Variants in TAFA5 observed in about 807,000 individuals in gnomAD.
TAFA5 encodes chemokine-like protein TAFA-5.
TAFA5 carries 6 observed loss-of-function variants against 15.3 expected under a neutral mutation model. That is an observed-to-expected ratio of 0.39 (90% CI 0.21 to 0.77). TAFA5 has a LOEUF of 0.77. Among genes scored for constraint, TAFA5 ranks in the 30% least tolerant of loss-of-function variants. The pLI, the probability that TAFA5 is intolerant of heterozygous loss-of-function variation, is 0.41. For synonymous variants in TAFA5, 103 were observed against 80.7 expected (o/e 1.28, Z -1.48); for missense variants, 161 against 193.1 (o/e 0.83, Z 0.98).
intron 1 of TAFA5, among the ~76,000 whole-genome samples, chr22:48,516,244 G>T (rs1373278529): frequency 1.3e-5 from 2 of 152,172 alleles, no homozygotes; most frequent in African/African-American, 4.8e-5. Flanking sequence ...GAATTAGGTG[G>T]AACGGCATAT....
At chr22:48,604,082 G>T (rs985053471) in intron 1 of TAFA5, among the ~76,000 whole-genome samples, 1 of 152,212 alleles carries the variant, frequency 6.6e-6, no homozygotes, top group African/African-American at 2.4e-5. Context: ...CAAGCGACAG[G>T]CGCGCAAGCT....
Position 48,542,638 on chromosome 22 carries a change from A to G in TAFA5, c.112+52934A>G, listed in dbSNP as rs62650010. Among the ~76,000 whole-genome samples the G allele has an allele frequency of 5.6e-3, 479 of 84,846 alleles. 1 individual carries two copies. Among genetic ancestry groups the G allele is most frequent in the Middle Eastern group, 0.017 (1 of 60 alleles). 55.7% of individuals were successfully genotyped at this position (84,846 alleles called of 152,430 possible). On this transcript the variant is annotated intron_variant, in intron 1 of 3. Transcript: ENST00000402357. Reference sequence around the variant, plus strand: ...TGTGTGTGGTGTGTGTGGGTGTGTGATGTGTGTGTGTGGTGTGTGTGTGGT... The same window carrying G: ...TGTGTGTGGTGTGTGTGGGTGTGTGGTGTGTGTGTGTGGTGTGTGTGTGGT...
chr22:48,676,150 G>T (rs1283367928), intron 2 of TAFA5, among the ~76,000 whole-genome samples: 1 of 152,256 alleles, frequency 6.6e-6, no homozygotes, highest in East Asian at 1.9e-4. Flanking sequence ...CAAAGATCCA[G>T]CCGTGTCCCC....
chr22:48,690,778 A>G (rs1305767031), intron 2 of TAFA5, among the ~76,000 whole-genome samples: 1 of 152,158 alleles, frequency 6.6e-6, no homozygotes, highest in Non-Finnish European at 1.5e-5. Context: ...AGCCCCAATG[A>G]GTGGCCTTGG....
chr22:48,505,217 C>T (rs576861219), intron 1 of TAFA5, among the ~76,000 whole-genome samples: 11 of 152,338 alleles, frequency 7.2e-5, no homozygotes, highest in South Asian at 4.1e-4. Flanking sequence ...ACTCCATCTC[C>T]GTGACAAGTC....
At chr22:48,507,303 AGGAGTGGC>A (rs1921033825) in intron 1 of TAFA5, among the ~76,000 whole-genome samples, 1 of 151,514 alleles carries the variant, frequency 6.6e-6, no homozygotes, top group Non-Finnish European at 1.5e-5. Flanking sequence ...GTGCAGTTGG[AGGAGTGGC>A]CGGCCGGTCA....
chr22:48,542,202 G>A (rs1341538459), intron 1 of TAFA5, among the ~76,000 whole-genome samples: 2 of 146,868 alleles, frequency 1.4e-5, no homozygotes, highest in African/African-American at 5.1e-5. Context: ...GTATGTGTGT[G>A]TGATGTACAT....
chr22:48,565,167 C>T (rs1923368965), intron 1 of TAFA5, among the ~76,000 whole-genome samples: 1 of 152,224 alleles, frequency 6.6e-6, no homozygotes, highest in Admixed American at 6.5e-5. Flanking sequence ...GGCATGTGGG[C>T]TCCGGCTTGA....
intron 1 of TAFA5, among the ~76,000 whole-genome samples, chr22:48,616,114 G>A (rs1925594975): frequency 6.6e-6 from 1 of 152,018 alleles, no homozygotes; most frequent in Non-Finnish European, 1.5e-5. Context: ...CTGGGCCTGG[G>A]GCTGGGGATC....
intron 1 of TAFA5, among the ~76,000 whole-genome samples, chr22:48,618,395 G>T (rs529855183): frequency 6.6e-6 from 1 of 152,370 alleles, no homozygotes; most frequent in African/African-American, 2.4e-5. Flanking sequence ...AAAAGGCCAT[G>T]CGTGCAGTTT....
intron 3 of TAFA5, among the ~76,000 whole-genome samples, chr22:48,744,833 C>T (rs1930281089): frequency 6.6e-6 from 1 of 152,152 alleles, no homozygotes; most frequent in Admixed American, 6.5e-5. Flanking sequence ...GATCTCGGCT[C>T]ACTGCAACCT....
chr22:48,561,631 G>A (rs1174735172), intron 1 of TAFA5, among the ~76,000 whole-genome samples: 1 of 152,172 alleles, frequency 6.6e-6, no homozygotes, highest in Non-Finnish European at 1.5e-5. Flanking sequence ...GATGACGGTG[G>A]CCACGGCAAC....
At chr22:48,696,402 T>TTCCCTCCTTTCCTCCC (rs1928713930) in intron 2 of TAFA5, among the ~76,000 whole-genome samples, 8 of 152,154 alleles carry the variant, frequency 5.3e-5, no homozygotes, top group Non-Finnish European at 4.4e-5. Context: ...CCCTCCATCC[T>TTCCCTCCTTTCCTCCC]TCCCTCCTTT....
chr22:48,674,062 G>A (rs549106140), intron 2 of TAFA5, among the ~76,000 whole-genome samples: 7 of 150,622 alleles, frequency 4.6e-5, no homozygotes, highest in South Asian at 2.1e-4. Flanking sequence ...TCCTCTGCCC[G>A]CCTCACATCT....
intron 2 of TAFA5, among the ~76,000 whole-genome samples, chr22:48,689,237 A>G (rs1233602913): frequency 6.6e-6 from 1 of 152,116 alleles, no homozygotes; most frequent in Non-Finnish European, 1.5e-5. Flanking sequence ...TGCACGCCGT[A>G]TGCAGCGGGG....
At chr22:48,621,911 C>T (rs1925851674) in intron 1 of TAFA5, among the ~76,000 whole-genome samples, 1 of 152,260 alleles carries the variant, frequency 6.6e-6, no homozygotes, top group East Asian at 1.9e-4. Flanking sequence ...GTTTGTGCCT[C>T]TGGAGGTGGC....
At chr22:48,532,458 T>G (rs747355464) in intron 1 of TAFA5, among the ~76,000 whole-genome samples, 27 of 152,322 alleles carry the variant, frequency 1.8e-4, no homozygotes, top group Admixed American at 4.6e-4. Flanking sequence ...CAGCAAGGAT[T>G]TATTGTGTCT....
chr22:48,582,287 G>A (rs1924078255), intron 1 of TAFA5, among the ~76,000 whole-genome samples: 1 of 151,482 alleles, frequency 6.6e-6, no homozygotes, highest in Admixed American at 6.6e-5. Context: ...ACCATATGCT[G>A]CACACCACAT....
chr22:48,623,722 G>A (rs932606647), intron 1 of TAFA5, among the ~76,000 whole-genome samples: 6 of 152,242 alleles, frequency 3.9e-5, no homozygotes, highest in Non-Finnish European at 7.3e-5. Context: ...CGAGGCCTCT[G>A]CTGGGCTCCT....
Sources: gnomAD v4.1 joint callset for allele counts (sites outside exome capture counted in the v4.1 genomes callset) on GRCh38, gnomAD v4.1.1 for gene constraint, MANE v1.5 for transcripts, NCBI Gene and HGNC (gene_info 2026-07-23, HGNC 2026-07-21) for gene names.